ATXN1: variants seen among roughly 807,000 people sequenced by gnomAD.
ATXN1 encodes ataxin 1, also known as ataxin-1.
Under a neutral mutation model 56.4 loss-of-function variants are expected in ATXN1, and 8 were observed. The ratio of observed to expected loss-of-function variants is 0.14; its 90% CI spans 0.08 to 0.26. ATXN1 has a LOEUF of 0.26. Among genes scored for constraint, ATXN1 ranks in the 10% least tolerant of loss-of-function variants. The pLI is 1.00. For synonymous variants in ATXN1, 514 were observed against 494.6 expected, an observed-to-expected ratio of 1.04 and a Z score of -0.52; for missense variants, 987 against 1,106.5, an observed-to-expected ratio of 0.89 and a Z score of 1.53.
rs140878584 is a variant in ATXN1 at position 16,328,122 on chromosome 6, T to C, written c.189A>G (p.Ala63=). The part of the protein sequence containing the change: ...RGHGGGRHGP[A]GTSVELGLQQ... The stretch of plus-strand genomic sequence containing the variant: ...GTAAACCAAGCTCCACCGAGGTCCC[T>C]GCCGGCCCATGCCTCCCGCCCCCGT... Residue 63 remains alanine, a synonymous_variant, in exon 7 of 8, where the codon GCA becomes GCG. Transcript: ENST00000436367. This position sits in a 1 kb window ranked among gnomAD's most constrained non-coding sequence, Gnocchi z 6.2. The C allele has an allele frequency of 2.1e-5, 33 of 1,587,302 alleles. No individual in the cohort carries two copies. The African/African-American group carries it at 4.2e-4, about 20-fold the overall frequency.
intron 4 of ATXN1, among the ~76,000 whole-genome samples, chr6:16,558,679 T>G (rs539901235): frequency 2.0e-5 from 3 of 152,188 alleles, no homozygotes; most frequent in Non-Finnish European, 4.4e-5. Context: ...CCAAAACTAT[T>G]ATTTTTAAAA....
At chr6:16,597,781 G>A (rs957447628) in intron 3 of ATXN1, among the ~76,000 whole-genome samples, 3 of 152,184 alleles carry the variant, frequency 2.0e-5, no homozygotes, top group African/African-American at 7.2e-5. Context: ...ATTCCTAAAT[G>A]CTAAAGGCAG....
chr6:16,685,733 T>C (rs1449377452), intron 2 of ATXN1, among the ~76,000 whole-genome samples: 1 of 152,198 alleles, frequency 6.6e-6, no homozygotes, highest in Non-Finnish European at 1.5e-5. Flanking sequence ...GAGGAACCAG[T>C]CATTATTCAT....
At chr6:16,689,019 T>G (rs1352763347) in intron 2 of ATXN1, among the ~76,000 whole-genome samples, 1 of 151,504 alleles carries the variant, frequency 6.6e-6, no homozygotes, top group East Asian at 1.9e-4. Context: ...TATGTGTACG[T>G]GTATATGCAG....
intron 3 of ATXN1, among the ~76,000 whole-genome samples, chr6:16,594,759 G>T (rs1405681876): frequency 6.6e-6 from 1 of 152,166 alleles, no homozygotes; most frequent in African/African-American, 2.4e-5. Flanking sequence ...GGGATTACAG[G>T]CGTGAGCCAC....
chr6:16,703,370 T>C (rs56412348), intron 2 of ATXN1, among the ~76,000 whole-genome samples: 63,303 of 151,952 alleles, frequency 0.42, 13,664 homozygotes, highest in East Asian at 0.5. Context: ...TTAGGAGATA[T>C]ACCTAATGTA....
At chr6:16,428,067 T>C (rs1177064610) in intron 6 of ATXN1, among the ~76,000 whole-genome samples, 4 of 151,910 alleles carry the variant, frequency 2.6e-5, no homozygotes, top group Non-Finnish European at 5.9e-5. Context: ...AAAATATGGT[T>C]GCAAGGCTTT....
intron 2 of ATXN1, among the ~76,000 whole-genome samples, chr6:16,685,344 G>A (rs184385494): frequency 7.5e-4 from 114 of 152,252 alleles, no homozygotes; most frequent in Middle Eastern, 3.4e-3. Flanking sequence ...CCATTATTCA[G>A]AATAAGTGGA....
At chr6:16,331,160 C>T (rs774502825) in intron 6 of ATXN1, among the ~76,000 whole-genome samples, 12 of 152,136 alleles carry the variant, frequency 7.9e-5, no homozygotes, top group Non-Finnish European at 1.6e-4. Flanking sequence ...GCCGCCATGC[C>T]TGGCTAATTT....
chr6:16,304,218 T>C lies in ATXN1; in HGVS notation c.*2111A>G, dbSNP rs1760182295. 6.6e-6 allele frequency: 1 copy of C among 152,480 alleles called. No individual in the cohort carries two copies. 9.4% of individuals were successfully genotyped at this position (152,480 alleles called of 1,614,324 possible). On this transcript the variant is annotated 3_prime_UTR_variant, in exon 8 of 8. Transcript: ENST00000436367. ...GAAGAAAGTACTATTTTCAATGGGG[T>C]AAAAGAAAAGTCAGGTATTTGTTCA...
At chr6:16,369,427 A>C (rs534343558) in intron 6 of ATXN1, among the ~76,000 whole-genome samples, 1 of 152,356 alleles carries the variant, frequency 6.6e-6, no homozygotes, top group South Asian at 2.1e-4. Context: ...GTTATGGCCC[A>C]AAAAGCTAGA....
chr6:16,339,155 T>C (rs1463532221), intron 6 of ATXN1, among the ~76,000 whole-genome samples: 1 of 152,122 alleles, frequency 6.6e-6, no homozygotes, highest in African/African-American at 2.4e-5. Flanking sequence ...ACTCACGAGC[T>C]TCACCACACA....
In ATXN1 at chr6:16,548,183, G is replaced by T. The variant is rs1344155334; in HGVS notation, c.-360-25495C>A. On this transcript the variant is annotated intron_variant, in intron 4 of 7. Coordinates refer to ENST00000436367, the MANE Select transcript of ATXN1 (RefSeq NM_001128164.2). ...ATGTATTACAATGGTAAGTATTTGT[G>T]CATTCAAACATACCTAAATATAGAA... Among the ~76,000 whole-genome samples, 16 of 152,174 alleles carry T rather than the reference G, an allele frequency of 1.1e-4. 1 individual carries two copies. The highest frequency in any genetic ancestry group is 1.0e-3 in the Admixed American group (16 of 15,280).
intron 3 of ATXN1, among the ~76,000 whole-genome samples, chr6:16,606,993 T>C (rs369856519): frequency 1.3e-5 from 2 of 149,938 alleles, no homozygotes; most frequent in African/African-American, 4.9e-5. Flanking sequence ...TTCAAGCGAT[T>C]CTCCTGCCTC....
chr6:16,621,973 A>C (rs1040760753), intron 3 of ATXN1, among the ~76,000 whole-genome samples: 6 of 152,146 alleles, frequency 3.9e-5, no homozygotes, highest in Admixed American at 3.9e-4. Context: ...AAATCTGTAG[A>C]ATAGTAACAG....
At chr6:16,522,266 A>G (rs1260566300) in intron 5 of ATXN1, among the ~76,000 whole-genome samples, 2 of 152,138 alleles carry the variant, frequency 1.3e-5, no homozygotes, top group Non-Finnish European at 2.9e-5. Context: ...AAAAGACATC[A>G]CAGTCACTTG....
chr6:16,540,770 C>G (rs1761699824), intron 4 of ATXN1, among the ~76,000 whole-genome samples: 1 of 152,166 alleles, frequency 6.6e-6, no homozygotes, highest in Non-Finnish European at 1.5e-5. Context: ...TGCTTTTTCC[C>G]TCTGCTTGGA....
At chr6:16,317,134 C>G (rs1037928027) in intron 7 of ATXN1, among the ~76,000 whole-genome samples, 1 of 152,016 alleles carries the variant, frequency 6.6e-6, no homozygotes, top group Non-Finnish European at 1.5e-5. Context: ...TGGGGTTCCA[C>G]ACATTTTCCA....
chr6:16,410,408 G>C lies in ATXN1; in HGVS notation c.-161+75564C>G, dbSNP rs1038412777. Among the ~76,000 whole-genome samples, 2 of 152,232 alleles carry C rather than the reference G, an allele frequency of 1.3e-5. No homozygotes were observed. The highest frequency in any genetic ancestry group is 6.5e-5 in the Admixed American group (1 of 15,286). On this transcript the variant is annotated intron_variant, in intron 6 of 7. Transcript: ENST00000436367. This position sits in a 1 kb window ranked among gnomAD's most constrained non-coding sequence, Gnocchi z 4.6. ...TGAAGACTAAATCTGACTTACAAAG[G>C]TGAGGAGCAGGGAGTACATTTCTTT... is the stretch of plus-strand genomic sequence containing the variant.
Sources: gnomAD v4.1 joint callset for allele counts (sites outside exome capture counted in the v4.1 genomes callset) on GRCh38, gnomAD v4.1.1 for gene constraint, Gnocchi (gnomAD v3.1) non-coding constraint, MANE v1.5 for transcripts, NCBI Gene and HGNC (gene_info 2026-07-23, HGNC 2026-07-21) for gene names.